EIF3B: variants seen among roughly 807,000 people sequenced by gnomAD.
EIF3B encodes the protein eukaryotic translation initiation factor 3 subunit B, also known as eukaryotic translation initiation factor 3 subunit 9.
Under a neutral mutation model 104.6 loss-of-function variants are expected in EIF3B, and 10 were observed. The ratio of observed to expected loss-of-function variants is 0.10; its 90% confidence interval spans 0.06 to 0.16. The LOEUF (loss-of-function observed/expected upper bound fraction) is 0.16. Ranked by LOEUF, EIF3B falls within the 10% of genes least tolerant of loss-of-function variation. The pLI is 1.00. For synonymous variants in EIF3B, 542 were observed against 417.2 expected (o/e 1.30, Z -3.65); for missense variants, 1,014 against 1,087.9 (o/e 0.93, Z 0.96).
chr7:2,361,467 T>C (rs1368403046), intron 2 of EIF3B, among the ~76,000 whole-genome samples: 1 of 152,228 alleles, frequency 6.6e-6, no homozygotes, highest in Non-Finnish European at 1.5e-5. Context: ...TCGCCCAGGC[T>C]GGAGTGCAGT....
At chr7:2,377,168 A>T in intron 15 of EIF3B, 93 bp downstream of exon 15, 1 of 1,464,198 alleles carries the variant, frequency 6.8e-7, no homozygotes, top group Non-Finnish European at 9.1e-7. Context: ...TAGGGTGGTG[A>T]CTGGGGGATA....
intron 11 of EIF3B, 99 bp from the exon 12 acceptor site, chr7:2,372,574 G>A: frequency 7.0e-7 from 1 of 1,433,752 alleles, no homozygotes; most frequent in Non-Finnish European, 9.5e-7. Flanking sequence ...ACACGTCGGG[G>A]GATATTTCTC....
chr7:2,355,533 G>A, intron 1 of EIF3B, 113 bp downstream of exon 1: 1 of 1,349,238 alleles, frequency 7.4e-7, no homozygotes, highest in Non-Finnish European at 9.6e-7. Context: ...TCCAGCGAGG[G>A]TGTCCGTGTG....
At chr7:2,366,812 TG>T in intron 8 of EIF3B, 186 bp from the exon 9 acceptor site, 1 of 795,518 alleles carries the variant, frequency 1.3e-6, no homozygotes, top group Non-Finnish European at 2.0e-6. Flanking sequence ...TGGGAGTTAA[TG>T]CAGTGGGCTT....
chr7:2,363,793 C>G, intron 5 of EIF3B, 33 bp downstream of exon 5: 1 of 1,603,134 alleles, frequency 6.2e-7, no homozygotes. Context: ...GGCGGGGACT[C>G]ACCTCTCCTG....
intron 9 of EIF3B, among the ~76,000 whole-genome samples, chr7:2,368,410 A>C (rs1480111616): frequency 1.3e-5 from 2 of 152,204 alleles, no homozygotes; most frequent in Non-Finnish European, 2.9e-5. Context: ...TCAGCCTCTC[A>C]AAGTGCAGGG....
chr7:2,367,179 G>C (rs1780068862), intron 9 of EIF3B, 134 bp downstream of exon 9: 2 of 854,822 alleles, frequency 2.3e-6, no homozygotes, highest in Admixed American at 5.4e-5. Flanking sequence ...CAGTTCTGGA[G>C]CTTGGGAGCT....
intron 1 of EIF3B, 112 bp downstream of exon 1, chr7:2,355,532 GGTGTCCGT>G (rs1683541713): frequency 1.5e-6 from 2 of 1,357,196 alleles, no homozygotes; most frequent in South Asian, 3.3e-5. Context: ...TTCCAGCGAG[GGTGTCCGT>G]GTGTTCCTGA....
At chr7:2,359,304 G>A (rs1393585209) in intron 1 of EIF3B, among the ~76,000 whole-genome samples, 3 of 152,170 alleles carry the variant, frequency 2.0e-5, no homozygotes, top group Non-Finnish European at 2.9e-5. Context: ...AACCAACCAC[G>A]TGATTAGAGG....
At chr7:2,360,566 G>T (rs1779673495) in intron 1 of EIF3B, 144 bp from the exon 2 acceptor site, 2 of 631,862 alleles carry the variant, frequency 3.2e-6, no homozygotes, top group Non-Finnish European at 5.2e-6. Flanking sequence ...TCTGAAACAA[G>T]CTAGGGTTAG....
At position 2,369,567 on chromosome 7, in the gene EIF3B, C is replaced by A. The variant is rs777255192; in HGVS notation, c.1499C>A (p.Thr500Asn). The stretch of plus-strand genomic sequence containing the variant: ...AGGGTAACCCTGATGCAGCTCCCTA[C>A]CAGGCAAGAGATCCGAGTGAGGAAC... ...PARVTLMQLPTRQEIRVRNLF... is the reference protein window; with the variant it reads ...PARVTLMQLPNRQEIRVRNLF... The change falls in exon 10 of 19, where the codon ACC becomes AAC. Residue 500 changes from threonine to asparagine, a missense_variant. Thr to Asn is a moderately conservative substitution (Grantham distance 65). Coordinates refer to ENST00000360876, the MANE Select transcript of EIF3B (RefSeq NM_001037283.2). The A allele has an allele frequency of 3.1e-6, 5 of 1,614,110 alleles. No homozygotes were observed. In the South Asian group the frequency reaches 5.5e-5, roughly 18 times the overall value.
At chr7:2,360,924 A>G (rs766459550) in intron 2 of EIF3B, 22 bp downstream of exon 2, 1 of 1,578,920 alleles carries the variant, frequency 6.3e-7, no homozygotes, top group Non-Finnish European at 8.7e-7. Context: ...CCTGTTGGAG[A>G]AGTATCATCT....
chr7:2,374,948 G>A (rs541453166), intron 13 of EIF3B: 74 of 302,422 alleles, frequency 2.4e-4, no homozygotes, highest in African/African-American at 1.5e-3. Flanking sequence ...TAGTGGGAAG[G>A]GTATTCGTTA....
At position 2,369,475 on chromosome 7, in the gene EIF3B, C is replaced by G. The variant is rs1224558250; in HGVS notation, c.1407C>G (p.Asp469Glu). The G allele has an allele frequency of 1.2e-6, 2 of 1,614,088 alleles. No homozygotes were observed. The highest frequency in any genetic ancestry group is 1.7e-6 in the Non-Finnish European group (2 of 1,180,030). The change falls in exon 10 of 19, where the codon GAC becomes GAG. Residue 469 changes from aspartate to glutamate, a missense_variant. Coordinates refer to ENST00000360876, the MANE Select transcript of EIF3B (RefSeq NM_001037283.2). Reference sequence around the variant, plus strand: ...ATTTTATTTTCCTGTTCTGCAGAGACTTTTCTTGGTCTCCTGGTGGTAACA... The same window carrying G: ...ATTTTATTTTCCTGTTCTGCAGAGAGTTTTCTTGGTCTCCTGGTGGTAACA... ...KKSLKISGIK[D>E]FSWSPGGNII...
chr7:2,363,529 T>C, intron 4 of EIF3B, 103 bp from the exon 5 acceptor site: 1 of 1,063,834 alleles, frequency 9.4e-7, no homozygotes, highest in Non-Finnish European at 1.3e-6. Flanking sequence ...GACTTGGGAG[T>C]TAAGATGTGG....
intron 14 of EIF3B, chr7:2,376,703 G>A: frequency 2.3e-6 from 1 of 444,194 alleles, no homozygotes; most frequent in Non-Finnish European, 4.0e-6. Flanking sequence ...TTGCCAGCCA[G>A]AATGTGCAGG....
At chr7:2,366,970 C>T (rs1198670954) in intron 8 of EIF3B, 29 bp from the exon 9 acceptor site, 1 of 1,606,084 alleles carries the variant, frequency 6.2e-7, no homozygotes, top group South Asian at 1.1e-5. Context: ...TGATTTGACT[C>T]AACTGCAGCC....
rs567427583 is a variant in EIF3B, at chr7:2,369,637, A to T, written c.1569A>T (p.Gly523=). 1.2e-5 allele frequency: 19 copies of T among 1,614,142 alleles called. No individual in the cohort carries two copies. The highest frequency in any genetic ancestry group is 3.3e-4 in the Middle Eastern group (2 of 6,062). ...GCAAGCTCCATTGGCAGAAGAACGG[A>T]GACTACTTGTGTGTGAAAGTAGATA... ...VDCKLHWQKN[G]DYLCVKVDRT... The change falls in exon 10 of 19, where the codon GGA becomes GGT. Residue 523 remains glycine, a synonymous_variant. Coordinates refer to ENST00000360876, the MANE Select transcript of EIF3B (RefSeq NM_001037283.2).
intron 6 of EIF3B, 29 bp downstream of exon 6, chr7:2,364,558 C>G (rs1562480789): frequency 1.3e-6 from 2 of 1,593,120 alleles, no homozygotes; most frequent in East Asian, 2.3e-5. Flanking sequence ...ACAGGGGAGT[C>G]TATGCATTTC....
Sources: gnomAD v4.1 joint callset for allele counts (sites outside exome capture counted in the v4.1 genomes callset) on GRCh38, gnomAD v4.1.1 for gene constraint, MANE v1.5 for transcripts, NCBI Gene and HGNC (gene_info 2026-07-23, HGNC 2026-07-21) for gene names.